CAPS2: variants seen among roughly 807,000 people sequenced by gnomAD.
CAPS2 encodes calcyphosin-2.
CAPS2 carries 98 observed loss-of-function variants against 86.5 expected under a neutral mutation model. The observed-to-expected ratio is 1.13, with a 90% CI of 0.96 to 1.34. The LOEUF is 1.34. CAPS2 is among the 40% of genes most tolerant of loss of function. The probability of loss-of-function intolerance (pLI) is 0.00; values close to 1 mark genes in which losing one functional copy is unlikely to be tolerated. For missense variants in CAPS2, 729 were observed against 686.8 expected (o/e 1.06, Z -0.69); for synonymous variants, 210 against 225.1 (o/e 0.93, Z 0.60).
At chr12:75,291,480 CATATATATATATATATATATATATATAT>C (rs556770226) in intron 13 of CAPS2, among the ~76,000 whole-genome samples, 32 of 18,638 alleles carry the variant, frequency 1.7e-3, no homozygotes, top group African/African-American at 4.9e-3. Context: ...ACAATAAAAG[CATATATATATATATATATATATATATAT>C]ATATATATAT....
intron 1 of CAPS2, among the ~76,000 whole-genome samples, chr12:75,335,114 GC>G (rs1273350641): frequency 6.6e-6 from 1 of 152,172 alleles, no homozygotes; most frequent in East Asian, 1.9e-4. Flanking sequence ...CTTGCCTCTT[GC>G]GGGGAAGGTG....
At chr12:75,306,123 G>A (rs1487679239) in intron 7 of CAPS2, 5 of 1,215,128 alleles carry the variant, frequency 4.1e-6, no homozygotes, top group South Asian at 3.7e-5. Context: ...CCACATTCGG[G>A]AACGTGCGGA....
upstream of CAPS2, chr12:75,334,915 C>G (rs768312266): frequency 6.2e-7 from 1 of 1,609,934 alleles, no homozygotes; most frequent in Admixed American, 1.7e-5. Flanking sequence ...GAGAAAGAAC[C>G]AGGGCTGGGC....
upstream of CAPS2, among the ~76,000 whole-genome samples, chr12:75,332,396 T>G (rs949049815): frequency 6.6e-6 from 1 of 152,202 alleles, no homozygotes; most frequent in Non-Finnish European, 1.5e-5. Flanking sequence ...ACCTACTACT[T>G]GAAAATATTT....
exon 17 of CAPS2, chr12:75,278,963 T>A (rs770051769): frequency 6.2e-7 from 1 of 1,611,380 alleles, no homozygotes; most frequent in Non-Finnish European, 8.5e-7. Context: ...TAAACCTTCA[T>A]AGTAATCTTC....
intron 1 of CAPS2, among the ~76,000 whole-genome samples, chr12:75,386,851 C>G (rs1225974777): frequency 5.4e-5 from 8 of 147,620 alleles, no homozygotes; most frequent in Non-Finnish European, 1.2e-4. Flanking sequence ...AACTGAACGT[C>G]CATATACAAG....
chr12:75,355,357 G>C (rs546857703), intron 1 of CAPS2, among the ~76,000 whole-genome samples: 5 of 152,066 alleles, frequency 3.3e-5, no homozygotes, highest in Non-Finnish European at 7.4e-5. Context: ...TGCAGCCAAC[G>C]AACTATAAAA....
At chr12:75,367,946 C>T (rs916409843) in intron 1 of CAPS2, among the ~76,000 whole-genome samples, 11 of 152,144 alleles carry the variant, frequency 7.2e-5, no homozygotes, top group Non-Finnish European at 1.2e-4. Flanking sequence ...GTCCTCATAG[C>T]CAGGTTATAA....
chr12:75,382,162 A>G (rs1212311654), intron 1 of CAPS2, among the ~76,000 whole-genome samples: 1 of 152,214 alleles, frequency 6.6e-6, no homozygotes, highest in Non-Finnish European at 1.5e-5. Context: ...AATGAGAAAG[A>G]GTCAATAAAA....
intron 1 of CAPS2, among the ~76,000 whole-genome samples, chr12:75,375,951 T>A (rs1319645488): frequency 6.6e-6 from 1 of 152,192 alleles, no homozygotes; most frequent in African/African-American, 2.4e-5. Flanking sequence ...AATTGCAGAC[T>A]TCAAGGATGC....
intron 1 of CAPS2, among the ~76,000 whole-genome samples, chr12:75,358,625 A>G (rs2043313451): frequency 1.3e-5 from 2 of 150,410 alleles, no homozygotes; most frequent in Admixed American, 1.3e-4. Flanking sequence ...TGTATGTAAC[A>G]TACCAGACAG....
intron 1 of CAPS2, among the ~76,000 whole-genome samples, chr12:75,382,850 T>C (rs1452799739): frequency 6.6e-6 from 1 of 152,184 alleles, no homozygotes; most frequent in African/African-American, 2.4e-5. Flanking sequence ...AGTATATAAG[T>C]AGCAGAATTT....
intron 1 of CAPS2, among the ~76,000 whole-genome samples, chr12:75,382,157 G>C (rs1271732951): frequency 6.6e-6 from 1 of 150,868 alleles, no homozygotes; most frequent in East Asian, 1.9e-4. Context: ...GAAACAATGA[G>C]AAAGAGTCAA....
chr12:75,301,087 A>G (rs568838035), intron 8 of CAPS2, among the ~76,000 whole-genome samples: 1 of 152,334 alleles, frequency 6.6e-6, no homozygotes, highest in Non-Finnish European at 1.5e-5. Flanking sequence ...TCTATTTAAC[A>G]ATATAAAGCA....
At chr12:75,276,203 C>T (rs772507522), downstream of CAPS2, 4 of 1,539,372 alleles carry the variant, frequency 2.6e-6, no homozygotes, top group African/African-American at 1.4e-5. Context: ...GTTTTAAGCG[C>T]TTTCTTTTTT....
At chr12:75,333,597 T>G (rs2041494912), upstream of CAPS2, among the ~76,000 whole-genome samples, 1 of 152,174 alleles carries the variant, frequency 6.6e-6, no homozygotes, top group African/African-American at 2.4e-5. Flanking sequence ...TATTGCCCAG[T>G]AGAATTTCCA....
chr12:75,311,303 G>T (rs1281205175), intron 7 of CAPS2, among the ~76,000 whole-genome samples: 1 of 152,118 alleles, frequency 6.6e-6, no homozygotes, highest in Non-Finnish European at 1.5e-5. Context: ...TATGTTGATA[G>T]CAGGACTGAG....
intron 1 of CAPS2, among the ~76,000 whole-genome samples, chr12:75,379,438 T>C (rs2044837918): frequency 6.6e-6 from 1 of 152,200 alleles, no homozygotes; most frequent in Non-Finnish European, 1.5e-5. Context: ...CTTGTGATCT[T>C]AACAACAGCC....
At chr12:75,307,960 C>A (rs1246060424) in intron 7 of CAPS2, among the ~76,000 whole-genome samples, 1 of 152,176 alleles carries the variant, frequency 6.6e-6, no homozygotes, top group Non-Finnish European at 1.5e-5. Flanking sequence ...AAAGGAAAAT[C>A]CCAACTTTCC....
Sources: gnomAD v4.1 joint callset for allele counts (sites outside exome capture counted in the v4.1 genomes callset) on GRCh38, gnomAD v4.1.1 for gene constraint, MANE v1.5 for transcripts, NCBI Gene and HGNC (gene_info 2026-07-23, HGNC 2026-07-21) for gene names.